The following HGF variants were observed in gnomAD, a reference collection of about 807,000 sequenced individuals.
The protein encoded by HGF is hepatocyte growth factor.
In HGF, 39 loss-of-function variants were observed where a neutral mutation model predicts 111.6. The ratio of observed to expected loss-of-function variants is 0.35; its 90% CI spans 0.27 to 0.46. HGF has a LOEUF of 0.46. Among genes scored for constraint, HGF ranks in the 20% least tolerant of loss-of-function variants. The probability of loss-of-function intolerance (pLI) is 1.00; values close to 1 mark genes in which losing one functional copy is unlikely to be tolerated. For missense variants in HGF, 735 were observed against 910.5 expected (o/e 0.81, Z 2.48); for synonymous variants, 285 against 294.8 (o/e 0.97, Z 0.34).
chr7:81,756,034 G>A lies in HGF; in HGVS notation c.482+1155C>T, dbSNP rs530903589. ...TCCCCAAAATGGAATAGAATAAAAA[G>A]TGGATTCAACAAGGCAGTCATCACC... On this transcript the variant is annotated intron_variant, in intron 4 of 17. Coordinates refer to ENST00000222390, the MANE Select transcript of HGF (RefSeq NM_000601.6). 5 of 701,816 alleles carry A rather than the reference G, an allele frequency of 7.1e-6. No individual in the cohort carries two copies. In the South Asian group the frequency reaches 7.4e-5, roughly 10 times the overall value. The allele number at this position is 701,816 out of a possible 1,614,324, so 43.5% of individuals were successfully genotyped here. A position where few individuals can be genotyped will look rare whatever the true frequency, so the allele number is the denominator to read the frequency against.
chr7:81,717,702 G>C (rs932152828), intron 10 of HGF, among the ~76,000 whole-genome samples: 2 of 151,898 alleles, frequency 1.3e-5, no homozygotes, highest in African/African-American at 4.8e-5. Context: ...AAAGCAAGCA[G>C]ATGGCAAAGA....
chr7:81,769,784 G>T (rs1789538626), intron 1 of HGF, 100 bp downstream of exon 1: 6 of 868,306 alleles, frequency 6.9e-6, no homozygotes, highest in Non-Finnish European at 1.1e-5. Flanking sequence ...CAGAAAGGAT[G>T]CTGGGAATAG....
At chr7:81,724,966 C>T (rs1455846522) in intron 9 of HGF, among the ~76,000 whole-genome samples, 2 of 152,136 alleles carry the variant, frequency 1.3e-5, no homozygotes, top group African/African-American at 4.8e-5. Context: ...TGGTGATTTC[C>T]CTCAAACCCC....
At chr7:81,705,290 T>TA in intron 17 of HGF, 100 bp downstream of exon 17, 1 of 1,106,510 alleles carries the variant, frequency 9.0e-7, no homozygotes, top group Non-Finnish European at 1.4e-6. Flanking sequence ...AATAGGTTGG[T>TA]ATACAATATT....
At chr7:81,706,144 C>A in intron 15 of HGF, 143 bp downstream of exon 15, 1 of 743,742 alleles carries the variant, frequency 1.3e-6, no homozygotes, top group South Asian at 1.6e-5. Context: ...CCCAAACGCA[C>A]GCATATATAC....
intron 2 of HGF, among the ~76,000 whole-genome samples, chr7:81,761,555 TA>T (rs200187303): frequency 0.013 from 1,814 of 136,752 alleles, 15 homozygotes; most frequent in Middle Eastern, 0.024. Context: ...ATGACCCTGT[TA>T]AAAAAAAAAA....
At chr7:81,730,112 A>G (rs1583952580) in intron 7 of HGF, among the ~76,000 whole-genome samples, 1 of 152,214 alleles carries the variant, frequency 6.6e-6, no homozygotes, top group Non-Finnish European at 1.5e-5. Context: ...ATAAGTACAT[A>G]CAAAGTGGTA....
intron 2 of HGF, among the ~76,000 whole-genome samples, chr7:81,761,856 A>G (rs1289029132): frequency 6.6e-6 from 1 of 152,078 alleles, no homozygotes; most frequent in Non-Finnish European, 1.5e-5. Context: ...TCCACTTCAG[A>G]TCATCAGGCA....
chr7:81,769,599 T>C (rs940003025), intron 1 of HGF, among the ~76,000 whole-genome samples: 2 of 152,174 alleles, frequency 1.3e-5, no homozygotes, highest in African/African-American at 4.8e-5. Context: ...TAGCACTTCC[T>C]CCCTATCTCA....
chr7:81,740,970 C>T (rs1231453436), intron 7 of HGF, among the ~76,000 whole-genome samples: 1 of 152,112 alleles, frequency 6.6e-6, no homozygotes, highest in Admixed American at 6.6e-5. Flanking sequence ...TGTTATGCCA[C>T]AATAGAAAAT....
chr7:81,754,296 T>C lies in HGF; in HGVS notation c.483-2034A>G, dbSNP rs139291805. Among the ~76,000 whole-genome samples the C allele has an allele frequency of 5.8e-3, 877 of 152,052 alleles. 10 individuals carry two copies. The highest frequency in any genetic ancestry group is 0.046 in the South Asian group (222 of 4,818). ...TATTAAGATTATTTAAGAAACCTAG[T>C]AGTTATAGCAAATGTTCAATACACA... On this transcript the variant is annotated intron_variant, in intron 4 of 17. Transcript: ENST00000222390.
Position 81,725,935 on chromosome 7 carries a change from C to T in HGF, c.1123G>A (p.Gly375Ser). 1.9e-6 allele frequency: 3 copies of T among 1,613,948 alleles called. No homozygotes were observed. Among genetic ancestry groups the T allele is most frequent in the Non-Finnish European group, 1.7e-6 (2 of 1,179,922 alleles). ...CAGTTTGGAATTTGGGAGCAGTAGC[C>T]AACTCGGATGTTTGGATCAGTGGTA... ...CFTTDPNIRV[G>S]YCSQIPNCDM... Residue 375 changes from glycine to serine, a missense_variant, in exon 9 of 18, where the codon GGC (glycine) becomes AGC (serine). Coordinates refer to ENST00000222390, the MANE Select transcript of HGF (RefSeq NM_000601.6).
chr7:81,766,114 A>G (rs1167894632), intron 1 of HGF, among the ~76,000 whole-genome samples: 1 of 152,188 alleles, frequency 6.6e-6, no homozygotes, highest in Non-Finnish European at 1.5e-5. Context: ...CTACACACAG[A>G]AAGTAGGGTC....
chr7:81,760,801 G>T (rs1174283952), intron 2 of HGF, among the ~76,000 whole-genome samples: 2 of 151,522 alleles, frequency 1.3e-5, no homozygotes. Flanking sequence ...TTTCTGCACA[G>T]GTTGCCATAA....
In HGF at chr7:81,728,485, T is replaced by A. The variant is rs536431580; in HGVS notation, c.1040+1120A>T. On this transcript the variant is annotated intron_variant, in intron 8 of 17. Transcript: ENST00000222390. The stretch of plus-strand genomic sequence containing the variant: ...TCTCCTTTGTCCCTTATAACTAATA[T>A]TTTCTCTGTTTCTTTGTTTTTTCTA... Among the ~76,000 whole-genome samples, 14 of 152,338 alleles carry A rather than the reference T, an allele frequency of 9.2e-5. No homozygotes were observed. The South Asian group carries it at 2.7e-3, about 29-fold the overall frequency.
chr7:81,748,335 T>G (rs1017388210), intron 5 of HGF, among the ~76,000 whole-genome samples: 2 of 152,146 alleles, frequency 1.3e-5, no homozygotes, highest in African/African-American at 4.8e-5. Flanking sequence ...GCAGGGAAAG[T>G]GCATGGGAAT....
chr7:81,755,148 A>C (rs2116154182), intron 4 of HGF: 1 of 152,200 alleles, frequency 6.6e-6, no homozygotes, highest in African/African-American at 2.4e-5. Context: ...ACAGATGTAG[A>C]TATCAGGTCA....
At chr7:81,713,989 CGTGTGTGTGTGTGTGTGT>C (rs10539468) in intron 11 of HGF, among the ~76,000 whole-genome samples, 3 of 142,420 alleles carry the variant, frequency 2.1e-5, no homozygotes, top group Admixed American at 7.1e-5. Flanking sequence ...GGTGTGTGTG[CGTGTGTGTGTGTGTGTGT>C]GTGTGTGTGT....
At chr7:81,709,435 T>C (rs1458465653) in intron 13 of HGF, among the ~76,000 whole-genome samples, 2 of 152,214 alleles carry the variant, frequency 1.3e-5, no homozygotes, top group Non-Finnish European at 2.9e-5. Flanking sequence ...ATATGTAGTA[T>C]ATGAAAGTTG....
Sources: gnomAD v4.1 joint callset for allele counts (sites outside exome capture counted in the v4.1 genomes callset) on GRCh38, gnomAD v4.1.1 for gene constraint, MANE v1.5 for transcripts, NCBI Gene and HGNC (gene_info 2026-07-23, HGNC 2026-07-21) for gene names.